FHL2: variants seen among roughly 807,000 people sequenced by gnomAD.
The protein encoded by FHL2 is four and a half LIM domains 2, also known as four and a half LIM domains protein 2.
A neutral mutation model predicts 32.7 loss-of-function variants in FHL2; 20 were observed. That is an observed-to-expected ratio of 0.61 (90% CI 0.43 to 0.89). The LOEUF is 0.89. FHL2 is among the 40% of genes least tolerant of loss of function. The pLI, the probability that FHL2 is intolerant of heterozygous loss-of-function variation, is 0.00. For missense variants in FHL2, 311 were observed against 358.6 expected, an observed-to-expected ratio of 0.87 and a Z score of 1.07; for synonymous variants, 123 against 128.1, an observed-to-expected ratio of 0.96 and a Z score of 0.27.
chr2:105,438,023 T>C (rs1166894640), intron 1 of FHL2, among the ~76,000 whole-genome samples: 1 of 152,214 alleles, frequency 6.6e-6, no homozygotes, highest in Non-Finnish European at 1.5e-5. Context: ...TTTTATAACA[T>C]TTCTTCTTTT....
intron 3 of FHL2, among the ~76,000 whole-genome samples, chr2:105,385,631 G>A (rs532795364): frequency 1.3e-5 from 2 of 152,318 alleles, no homozygotes; most frequent in East Asian, 1.9e-4. Context: ...TTTAGAAGCC[G>A]TTTGCGGGTG....
chr2:105,422,991 C>T (rs549547290), intron 1 of FHL2, among the ~76,000 whole-genome samples: 5 of 152,256 alleles, frequency 3.3e-5, no homozygotes, highest in East Asian at 3.9e-4. Flanking sequence ...GCAGCTCAGA[C>T]GGCATGGGAA....
At chr2:105,363,074 T>C in intron 6 of FHL2, 1 of 565,028 alleles carries the variant, frequency 1.8e-6, no homozygotes, top group Admixed American at 3.2e-5. Context: ...ATGGTTGTGA[T>C]CAGGTGGGCT....
intron 1 of FHL2, among the ~76,000 whole-genome samples, chr2:105,430,867 T>C (rs540362648): frequency 1.3e-5 from 2 of 152,214 alleles, no homozygotes; most frequent in Non-Finnish European, 1.5e-5. Context: ...CTTGCTGGGG[T>C]TCCCCACTAA....
intron 1 of FHL2, among the ~76,000 whole-genome samples, chr2:105,419,310 A>T (rs1011549387): frequency 2.0e-5 from 3 of 152,226 alleles, no homozygotes; most frequent in African/African-American, 7.2e-5. Context: ...CCCGTCACCC[A>T]AGCAGTAGAC....
intron 3 of FHL2, chr2:105,376,332 C>G (rs898459094): frequency 6.6e-6 from 1 of 152,128 alleles, no homozygotes; most frequent in Admixed American, 6.5e-5. Flanking sequence ...AAACAGATAG[C>G]CTTGAGGAGA....
chr2:105,382,391 C>T (rs1483679997), intron 3 of FHL2, among the ~76,000 whole-genome samples: 1 of 152,216 alleles, frequency 6.6e-6, no homozygotes, highest in Non-Finnish European at 1.5e-5. Context: ...TAGCAGGTGG[C>T]ATCACATGCT....
At chr2:105,398,063 A>AGGTAATAAAAAGGTATACCTTCCAAAAGG (rs1194520969) in intron 1 of FHL2, among the ~76,000 whole-genome samples, 83 of 152,280 alleles carry the variant, frequency 5.5e-4, no homozygotes, top group Non-Finnish European at 8.4e-4. Context: ...ACCTTCCAAA[A>AGGTAATAAAAAGGTATACCTTCCAAAAGG]TATGTGGAAG....
chr2:105,383,099 T>A (rs542413785), intron 3 of FHL2, among the ~76,000 whole-genome samples: 4 of 152,246 alleles, frequency 2.6e-5, no homozygotes, highest in Non-Finnish European at 5.9e-5. Flanking sequence ...TTGGCCAGGC[T>A]GGTCTCCAGC....
At chr2:105,416,024 C>T (rs537399747) in intron 1 of FHL2, among the ~76,000 whole-genome samples, 1 of 152,344 alleles carries the variant, frequency 6.6e-6, no homozygotes, top group African/African-American at 2.4e-5. Flanking sequence ...CTCTTAACCC[C>T]TGTTCTTAAA....
At chr2:105,412,073 C>T (rs1573392857) in intron 1 of FHL2, among the ~76,000 whole-genome samples, 1 of 152,320 alleles carries the variant, frequency 6.6e-6, no homozygotes, top group East Asian at 1.9e-4. Flanking sequence ...GTATACCCCA[C>T]TTCTGGGTAT....
chr2:105,387,822 A>C (rs1317454103), intron 2 of FHL2, among the ~76,000 whole-genome samples: 1 of 152,190 alleles, frequency 6.6e-6, no homozygotes, highest in Non-Finnish European at 1.5e-5. Flanking sequence ...TCATTGCAGC[A>C]CTCTTCACAA....
At chr2:105,409,864 C>T (rs927681087) in intron 1 of FHL2, among the ~76,000 whole-genome samples, 1 of 152,238 alleles carries the variant, frequency 6.6e-6, no homozygotes, top group East Asian at 1.9e-4. Context: ...GCCTGGGAAA[C>T]TTGCCCTAGC....
At chr2:105,405,773 T>C (rs1405078396) in intron 1 of FHL2, among the ~76,000 whole-genome samples, 3 of 152,242 alleles carry the variant, frequency 2.0e-5, no homozygotes, top group Admixed American at 2.0e-4. Flanking sequence ...GGCCAGGCTC[T>C]AGGAGGCAGG....
chr2:105,408,641 T>C (rs1683705422), intron 1 of FHL2, among the ~76,000 whole-genome samples: 1 of 152,216 alleles, frequency 6.6e-6, no homozygotes. Context: ...GGAGCAGAAC[T>C]AATGGGGCAG....
At chr2:105,425,492 A>T (rs973786761) in intron 1 of FHL2, among the ~76,000 whole-genome samples, 1 of 151,832 alleles carries the variant, frequency 6.6e-6, no homozygotes, top group African/African-American at 2.4e-5. Flanking sequence ...GTCTGTGCTG[A>T]GGTGGATTAG....
intron 1 of FHL2, among the ~76,000 whole-genome samples, chr2:105,414,105 G>C (rs1301941868): frequency 6.6e-6 from 1 of 152,200 alleles, no homozygotes; most frequent in Non-Finnish European, 1.5e-5. Flanking sequence ...TGGTAGAGCA[G>C]CTCACAGAAC....
At chr2:105,399,398 G>A (rs1489720277), upstream of FHL2, 1 of 1,536,120 alleles carries the variant, frequency 6.5e-7, no homozygotes, top group Non-Finnish European at 8.7e-7. Context: ...CGGGAGACTG[G>A]AGAAGCCCCA....
chr2:105,378,113 C>A, intron 3 of FHL2: 1 of 461,764 alleles, frequency 2.2e-6, no homozygotes, highest in Non-Finnish European at 4.5e-6. Flanking sequence ...AGCACATCAG[C>A]ATGCCTGCAC....
Sources: gnomAD v4.1 joint callset for allele counts (sites outside exome capture counted in the v4.1 genomes callset) on GRCh38, gnomAD v4.1.1 for gene constraint, MANE v1.5 for transcripts, NCBI Gene and HGNC (gene_info 2026-07-23, HGNC 2026-07-21) for gene names.